FBXL7: variants seen among roughly 807,000 people sequenced by gnomAD.
FBXL7 encodes F-box/LRR-repeat protein 7.
Under a neutral mutation model 38.3 loss-of-function variants are expected in FBXL7, and 12 were observed. The observed-to-expected ratio is 0.31, with a 90% CI of 0.20 to 0.51. The LOEUF is 0.51. Ranked by LOEUF, FBXL7 falls within the 20% of genes least tolerant of loss-of-function variation. The pLI is 0.98. For synonymous variants in FBXL7, 297 were observed against 300.9 expected (o/e 0.99, Z 0.13); for missense variants, 567 against 676.4 (o/e 0.84, Z 1.79).
intron 1 of FBXL7, among the ~76,000 whole-genome samples, chr5:15,507,672 T>G (rs1455657596): frequency 2.0e-5 from 3 of 152,142 alleles, no homozygotes; most frequent in Non-Finnish European, 2.9e-5. Flanking sequence ...CTTGAATGGA[T>G]GAAGGGAATA....
chr5:15,568,346 G>C (rs563570984), intron 1 of FBXL7, among the ~76,000 whole-genome samples: 3 of 152,322 alleles, frequency 2.0e-5, no homozygotes, highest in African/African-American at 7.2e-5. Flanking sequence ...TCTGGCCAGT[G>C]ATGATGAGCA....
chr5:15,835,464 A>G (rs1461851764), intron 2 of FBXL7, among the ~76,000 whole-genome samples: 1 of 152,230 alleles, frequency 6.6e-6, no homozygotes, highest in Non-Finnish European at 1.5e-5. Context: ...GAATGGAACC[A>G]TTAGAATCAT....
At chr5:15,930,606 G>A (rs1742013979) in intron 3 of FBXL7, among the ~76,000 whole-genome samples, 1 of 152,164 alleles carries the variant, frequency 6.6e-6, no homozygotes, top group African/African-American at 2.4e-5. Context: ...CCATTATTAA[G>A]CCTTGATATC....
chr5:15,582,219 G>T (rs1739168491), intron 1 of FBXL7, among the ~76,000 whole-genome samples: 2 of 152,202 alleles, frequency 1.3e-5, no homozygotes, highest in African/African-American at 4.8e-5. Context: ...GATTACAGGT[G>T]TGAGGCACCA....
chr5:15,685,421 G>A (rs1353056989), intron 2 of FBXL7, among the ~76,000 whole-genome samples: 3 of 152,158 alleles, frequency 2.0e-5, no homozygotes, highest in East Asian at 3.9e-4. Context: ...GAAAACCATA[G>A]GCAACACCTC....
chr5:15,686,266 T>C (rs1743013461), intron 2 of FBXL7, among the ~76,000 whole-genome samples: 1 of 152,236 alleles, frequency 6.6e-6, no homozygotes, highest in African/African-American at 2.4e-5. Flanking sequence ...TTCATTGAGG[T>C]CCTTCAGGAT....
chr5:15,541,406 GTGTATATATATACATATAGTATATA>G (rs1737740408), intron 1 of FBXL7, among the ~76,000 whole-genome samples: 1 of 115,492 alleles, frequency 8.7e-6, no homozygotes, highest in Non-Finnish European at 1.8e-5. Context: ...CCATATATAT[GTGTATATATATACATATAGTATATA>G]TGTGTGTGTG....
intron 1 of FBXL7, among the ~76,000 whole-genome samples, chr5:15,572,502 C>G (rs1425057470): frequency 6.6e-6 from 1 of 152,112 alleles, no homozygotes. Flanking sequence ...CCACCTAACT[C>G]CTCCACTGAA....
intron 1 of FBXL7, among the ~76,000 whole-genome samples, chr5:15,549,941 C>T (rs967987320): frequency 2.0e-5 from 3 of 152,122 alleles, no homozygotes; most frequent in African/African-American, 4.8e-5. Flanking sequence ...TGCTTAGAAA[C>T]GTAGGCCTGC....
chr5:15,540,738 C>T (rs1166969130), intron 1 of FBXL7, among the ~76,000 whole-genome samples: 1 of 152,120 alleles, frequency 6.6e-6, no homozygotes, highest in Admixed American at 6.6e-5. Context: ...TGAGAGCCCT[C>T]TGCCAGGTTG....
chr5:15,746,845 A>G (rs959508204), intron 2 of FBXL7, among the ~76,000 whole-genome samples: 2 of 152,206 alleles, frequency 1.3e-5, no homozygotes, highest in African/African-American at 4.8e-5. Context: ...AACAAAATTT[A>G]AGGAAAACTG....
chr5:15,756,186 T>TC (rs1736292545), intron 2 of FBXL7, among the ~76,000 whole-genome samples: 2 of 152,326 alleles, frequency 1.3e-5, no homozygotes, highest in South Asian at 4.1e-4. Flanking sequence ...GACTTTTTTT[T>TC]CACTAAGTCT....
At chr5:15,555,840 G>C (rs534939663) in intron 1 of FBXL7, among the ~76,000 whole-genome samples, 8 of 147,772 alleles carry the variant, frequency 5.4e-5, no homozygotes, top group Admixed American at 4.0e-4. Context: ...ATGAAAGATA[G>C]ACACAGCAGT....
chr5:15,837,520 G>A (rs1738625944), intron 2 of FBXL7, among the ~76,000 whole-genome samples: 1 of 152,090 alleles, frequency 6.6e-6, no homozygotes. Flanking sequence ...GTTTTAACAA[G>A]ACATTTATGT....
chr5:15,782,280 A>G (rs1407490420), intron 2 of FBXL7, among the ~76,000 whole-genome samples: 2 of 152,182 alleles, frequency 1.3e-5, no homozygotes, highest in African/African-American at 4.8e-5. Context: ...TAGTGCTGCA[A>G]TAAACATGTG....
intron 1 of FBXL7, among the ~76,000 whole-genome samples, chr5:15,572,146 T>C (rs1281216679): frequency 6.6e-6 from 1 of 152,156 alleles, no homozygotes; most frequent in Non-Finnish European, 1.5e-5. Flanking sequence ...CCAAAAGCCA[T>C]GAACATTTAC....
intron 3 of FBXL7, chr5:15,935,277 C>G (rs574546085): frequency 1.9e-6 from 1 of 532,416 alleles, no homozygotes. Context: ...GCTTCGAGTT[C>G]CGTTTTCCAA....
At chr5:15,616,618 T>G (rs1282318823) in intron 2 of FBXL7, among the ~76,000 whole-genome samples, 1 of 152,366 alleles carries the variant, frequency 6.6e-6, no homozygotes, top group Non-Finnish European at 1.5e-5. Context: ...AGTGATTTTC[T>G]TGATGAAGAA....
At chr5:15,786,639 T>C (rs1737139716) in intron 2 of FBXL7, among the ~76,000 whole-genome samples, 1 of 152,306 alleles carries the variant, frequency 6.6e-6, no homozygotes, top group Non-Finnish European at 1.5e-5. Context: ...ATATAGTTAG[T>C]AAAAAGTGAA....
Sources: gnomAD v4.1 joint callset for allele counts (sites outside exome capture counted in the v4.1 genomes callset) on GRCh38, gnomAD v4.1.1 for gene constraint, MANE v1.5 for transcripts, NCBI Gene and HGNC (gene_info 2026-07-23, HGNC 2026-07-21) for gene names.